ZSWIM6: variants seen among roughly 807,000 people sequenced by gnomAD.
The protein encoded by ZSWIM6 is zinc finger SWIM domain-containing protein 6.
A neutral mutation model predicts 113.2 loss-of-function variants in ZSWIM6; 9 were observed. That is an observed-to-expected ratio of 0.08 (90% confidence interval 0.05 to 0.14). The LOEUF (loss-of-function observed/expected upper bound fraction) is 0.14, where lower values mean the gene tolerates loss of function less well. Among genes scored for constraint, ZSWIM6 ranks in the 10% least tolerant of loss-of-function variants. The pLI, the probability that ZSWIM6 is intolerant of heterozygous loss-of-function variation, is 1.00. For synonymous variants in ZSWIM6, 611 were observed against 606.5 expected (o/e 1.01, Z -0.11); for missense variants, 1,162 against 1,552.2 (o/e 0.75, Z 4.22).
chr5:61,393,333 A>T (rs1385089769), intron 1 of ZSWIM6, among the ~76,000 whole-genome samples: 1 of 152,096 alleles, frequency 6.6e-6, no homozygotes, highest in Admixed American at 6.6e-5. Flanking sequence ...GGCGTGAGCC[A>T]CTGCACCCGG....
chr5:61,432,309 T>C (rs1179454255), intron 1 of ZSWIM6, among the ~76,000 whole-genome samples: 1 of 152,232 alleles, frequency 6.6e-6, no homozygotes, highest in African/African-American at 2.4e-5. Flanking sequence ...AACTGCAGGA[T>C]TCAGCTTGTA....
At chr5:61,334,322 A>G (rs924413890) in intron 1 of ZSWIM6, among the ~76,000 whole-genome samples, 5 of 151,868 alleles carry the variant, frequency 3.3e-5, no homozygotes, top group Non-Finnish European at 5.9e-5. Flanking sequence ...GAAACTTCCC[A>G]TTTTTTTCTC....
intron 1 of ZSWIM6, among the ~76,000 whole-genome samples, chr5:61,376,982 T>G (rs1304251603): frequency 1.3e-5 from 2 of 151,740 alleles, no homozygotes; most frequent in Non-Finnish European, 2.9e-5. Flanking sequence ...GTGGCAAGCC[T>G]GGTATGCTGT....
intron 1 of ZSWIM6, among the ~76,000 whole-genome samples, chr5:61,367,160 C>T (rs750761020): frequency 5.3e-5 from 8 of 152,148 alleles, no homozygotes; most frequent in Non-Finnish European, 1.0e-4. Context: ...GATCCCTAAG[C>T]GTGAGCCAGT....
intron 1 of ZSWIM6, among the ~76,000 whole-genome samples, chr5:61,471,928 TTGTGTG>T (rs111311363): frequency 3.3e-5 from 5 of 150,102 alleles, no homozygotes; most frequent in Non-Finnish European, 5.9e-5. Flanking sequence ...TACCGTGTAT[TTGTGTG>T]TGTGTGTGTG....
At chr5:61,360,889 C>T (rs1272654792) in intron 1 of ZSWIM6, among the ~76,000 whole-genome samples, 1 of 152,126 alleles carries the variant, frequency 6.6e-6, no homozygotes, top group Non-Finnish European at 1.5e-5. Context: ...ACTGAGGCAC[C>T]TTGGTTTTCT....
chr5:61,375,409 A>G (rs1181317349), intron 1 of ZSWIM6: 47 of 1,524,300 alleles, frequency 3.1e-5, no homozygotes, highest in Non-Finnish European at 4.0e-5. Context: ...AGAAAAGAAG[A>G]AATCTGGTAG....
intron 1 of ZSWIM6, among the ~76,000 whole-genome samples, chr5:61,432,677 T>C (rs1252491077): frequency 6.6e-6 from 1 of 152,262 alleles, no homozygotes; most frequent in Non-Finnish European, 1.5e-5. Context: ...TCATTTGTCT[T>C]AATGATGATG....
intron 1 of ZSWIM6, among the ~76,000 whole-genome samples, chr5:61,423,905 C>T (rs1311055680): frequency 2.6e-5 from 4 of 152,206 alleles, no homozygotes; most frequent in Non-Finnish European, 5.9e-5. Context: ...TCAAAAGCCA[C>T]CTCCTCAATG....
At chr5:61,533,480 G>C (rs1749496844) in intron 9 of ZSWIM6, among the ~76,000 whole-genome samples, 3 of 152,130 alleles carry the variant, frequency 2.0e-5, no homozygotes, top group Admixed American at 2.0e-4. Flanking sequence ...AGCACCTCTG[G>C]GGAAACTTGG....
intron 7 of ZSWIM6, among the ~76,000 whole-genome samples, chr5:61,529,518 C>T (rs1472854768): frequency 3.9e-5 from 6 of 152,150 alleles, no homozygotes; most frequent in Non-Finnish European, 8.8e-5. Flanking sequence ...TGTGGGAATA[C>T]AAGTCTAACC....
intron 1 of ZSWIM6, among the ~76,000 whole-genome samples, chr5:61,336,610 T>A (rs1294427413): frequency 6.6e-6 from 1 of 151,904 alleles, no homozygotes. Context: ...AATACAAAAA[T>A]TAGGCATCGT....
intron 2 of ZSWIM6, among the ~76,000 whole-genome samples, chr5:61,479,154 G>GA (rs1359774641): frequency 6.6e-6 from 1 of 150,652 alleles, no homozygotes; most frequent in Non-Finnish European, 1.5e-5. Flanking sequence ...CTGGGTGACA[G>GA]AGCAGGACTC....
chr5:61,534,882 G>A (rs1005408371), intron 9 of ZSWIM6, among the ~76,000 whole-genome samples: 3 of 152,070 alleles, frequency 2.0e-5, no homozygotes, highest in East Asian at 1.9e-4. Context: ...CCTATGATGC[G>A]TATGAAATGG....
intron 5 of ZSWIM6, among the ~76,000 whole-genome samples, chr5:61,523,077 C>T (rs942021158): frequency 2.6e-5 from 4 of 152,094 alleles, no homozygotes; most frequent in Admixed American, 6.6e-5. Context: ...TCTGTTGGAC[C>T]GAAAGGCACC....
intron 1 of ZSWIM6, among the ~76,000 whole-genome samples, chr5:61,463,990 C>T (rs774266305): frequency 1.4e-4 from 21 of 151,482 alleles, no homozygotes; most frequent in Non-Finnish European, 2.5e-4. Flanking sequence ...CTTCATCTAT[C>T]TTTTCTTTTC....
chr5:61,518,234 T>C lies in ZSWIM6; in HGVS notation c.1334-3029T>C, dbSNP rs1157349206. 1.8e-4 allele frequency among the ~76,000 whole-genome samples: 27 copies of C among 152,028 alleles called. 1 individual carries two copies. The highest frequency in any genetic ancestry group is 1.4e-3 in the Admixed American group (21 of 15,252). On this transcript the variant is annotated intron_variant, in intron 4 of 13. Coordinates refer to ENST00000252744, the MANE Select transcript of ZSWIM6 (RefSeq NM_020928.2). ...TCCAAGTCTTTGCTATTGTGAATAA[T>C]GCCGCAATAAACATACGTGTGCATG...
At chr5:61,391,158 C>T in intron 1 of ZSWIM6, 1 of 793,902 alleles carries the variant, frequency 1.3e-6, no homozygotes, top group South Asian at 1.3e-5. Flanking sequence ...GGGGTAGCTT[C>T]TTGGTGTGCC....
intron 1 of ZSWIM6, among the ~76,000 whole-genome samples, chr5:61,393,615 G>A (rs189803266): frequency 3.7e-4 from 57 of 152,066 alleles, no homozygotes; most frequent in African/African-American, 1.3e-3. Context: ...GCGCATGTCT[G>A]TAATCCCAGC....
Sources: allele counts gnomAD v4.1 joint callset (sites outside exome capture counted in the v4.1 genomes callset), GRCh38; gene constraint gnomAD v4.1.1; transcripts MANE v1.5; gene names NCBI Gene and HGNC (gene_info 2026-07-23, HGNC 2026-07-21).